The following SH2D4A variants were observed in gnomAD, a reference collection of about 807,000 sequenced individuals.
SH2D4A encodes SH2 domain containing 4A.
A neutral mutation model predicts 64.7 loss-of-function variants in SH2D4A; 70 were observed. That is an observed-to-expected ratio of 1.08 (90% CI 0.89 to 1.32). The LOEUF is 1.32. Ranked by LOEUF, SH2D4A falls within the 40% of genes most tolerant of loss-of-function variation. The pLI, the probability that SH2D4A is intolerant of heterozygous loss-of-function variation, is 0.00. For missense variants in SH2D4A, 706 were observed against 540.1 expected, an observed-to-expected ratio of 1.31 and a Z score of -3.04; for synonymous variants, 268 against 200.7, an observed-to-expected ratio of 1.34 and a Z score of -2.83.
chr8:19,381,017 T>C (rs75922695), intron 8 of SH2D4A, among the ~76,000 whole-genome samples: 1 of 152,022 alleles, frequency 6.6e-6, no homozygotes, highest in African/African-American at 2.4e-5. Context: ...TATTTACTTA[T>C]GTCTTCTTTA....
intron 8 of SH2D4A, among the ~76,000 whole-genome samples, chr8:19,384,618 C>T (rs1399452661): frequency 6.6e-6 from 1 of 152,116 alleles, no homozygotes; most frequent in Non-Finnish European, 1.5e-5. Flanking sequence ...TCCTTCTGGC[C>T]AAATTTAACA....
Position 19,333,431 on chromosome 8 carries a change from A to G in SH2D4A, c.341+317A>G, listed in dbSNP as rs113301420. ...TTCCAGTTTTGATCTGTATGAGTGT[A>G]TGAGTTCCCCAGTGATCACCCGTGG... On this transcript the variant is annotated intron_variant, in intron 3 of 9. Coordinates refer to ENST00000265807, the MANE Select transcript of SH2D4A (RefSeq NM_022071.4). Among the ~76,000 whole-genome samples the G allele has an allele frequency of 2.8e-3, 432 of 152,258 alleles. 8 individuals carry two copies. Among genetic ancestry groups the G allele is most frequent in the African/African-American group, 0.01 (416 of 41,558 alleles).
chr8:19,392,034 C>CGTTTCTACTCT (rs2053501629), intron 8 of SH2D4A, among the ~76,000 whole-genome samples: 1 of 152,152 alleles, frequency 6.6e-6, no homozygotes, highest in South Asian at 2.1e-4. Context: ...TTCCAAGATG[C>CGTTTCTACTCT]GTTTCTACTC....
chr8:19,333,867 C>T (rs2052400790), intron 3 of SH2D4A, among the ~76,000 whole-genome samples: 1 of 152,156 alleles, frequency 6.6e-6, no homozygotes, highest in Non-Finnish European at 1.5e-5. Flanking sequence ...GAGGGCTTAA[C>T]CAAGATCCCT....
chr8:19,321,146 T>TA (rs2052183688), intron 2 of SH2D4A, among the ~76,000 whole-genome samples: 1 of 152,204 alleles, frequency 6.6e-6, no homozygotes, highest in African/African-American at 2.4e-5. Context: ...TTCACAAAAC[T>TA]TCTGCAAAGT....
At chr8:19,377,738 A>G (rs575167546) in intron 8 of SH2D4A, among the ~76,000 whole-genome samples, 2 of 152,118 alleles carry the variant, frequency 1.3e-5, no homozygotes, top group African/African-American at 4.8e-5. Context: ...TACATTTGCT[A>G]TAACTTTTTT....
chr8:19,378,014 C>G (rs10095504), intron 8 of SH2D4A, among the ~76,000 whole-genome samples: 24,573 of 152,096 alleles, frequency 0.16, 2,088 homozygotes, highest in Middle Eastern at 0.2. Flanking sequence ...ACAATGGAAT[C>G]TTCTTATTTT....
At chr8:19,326,050 C>T (rs1034608713) in intron 2 of SH2D4A, among the ~76,000 whole-genome samples, 1 of 152,214 alleles carries the variant, frequency 6.6e-6, no homozygotes, top group African/African-American at 2.4e-5. Context: ...GCTCCATTTT[C>T]ACCCTCCAAA....
chr8:19,361,498 A>G (rs562035157), intron 6 of SH2D4A, among the ~76,000 whole-genome samples, 184 bp downstream of exon 6: 6 of 152,238 alleles, frequency 3.9e-5, no homozygotes, highest in East Asian at 1.9e-4. Flanking sequence ...TGAACAGCAG[A>G]CTCGTTCTCC....
chr8:19,324,792 A>T (rs989847756), intron 2 of SH2D4A, among the ~76,000 whole-genome samples: 2 of 152,106 alleles, frequency 1.3e-5, no homozygotes, highest in East Asian at 1.9e-4. Flanking sequence ...GCACAGAGAC[A>T]CCATTCTGTG....
intron 4 of SH2D4A, 105 bp downstream of exon 4, chr8:19,334,962 C>A: frequency 7.5e-7 from 1 of 1,325,970 alleles, no homozygotes; most frequent in Non-Finnish European, 1.0e-6. Flanking sequence ...CCTCCAGTGG[C>A]TTTCTTGGGA....
intron 7 of SH2D4A, among the ~76,000 whole-genome samples, chr8:19,372,049 C>G (rs1252177725): frequency 2.6e-5 from 4 of 152,158 alleles, no homozygotes; most frequent in African/African-American, 9.7e-5. Flanking sequence ...ATTTTGTACA[C>G]TTGGTGAGGT....
intron 8 of SH2D4A, among the ~76,000 whole-genome samples, chr8:19,375,855 A>C (rs2053186624): frequency 6.6e-6 from 1 of 152,134 alleles, no homozygotes; most frequent in Non-Finnish European, 1.5e-5. Flanking sequence ...GTATCCCATA[A>C]ATTTATACAA....
At chr8:19,358,360 A>G (rs10101035) in intron 5 of SH2D4A, among the ~76,000 whole-genome samples, 3,322 of 152,278 alleles carry the variant, frequency 0.022, 124 homozygotes, top group African/African-American at 0.076. Context: ...GATGATAAAC[A>G]TATCTATGAG....
intron 6 of SH2D4A, among the ~76,000 whole-genome samples, chr8:19,361,541 A>G (rs2052888449): frequency 6.6e-6 from 1 of 152,114 alleles, no homozygotes; most frequent in Admixed American, 6.5e-5. Context: ...TTATGATGTA[A>G]TTTATCAAAT....
At chr8:19,361,462 T>C (rs1188065508) in intron 6 of SH2D4A, 148 bp downstream of exon 6, 1 of 769,370 alleles carries the variant, frequency 1.3e-6, no homozygotes, top group African/African-American at 1.8e-5. Flanking sequence ...TACTAACTTA[T>C]TACTCAAATG....
chr8:19,370,660 A>G lies in SH2D4A; in HGVS notation c.918-2870A>G, dbSNP rs559539179. Among the ~76,000 whole-genome samples, 6 of 152,188 alleles carry G rather than the reference A, an allele frequency of 3.9e-5. No homozygotes were observed. The East Asian group carries it at 7.7e-4, about 20-fold the overall frequency. ...GAAGTTAGCCCCTTGCAGGCAATGT[A>G]TAATTTGGTATTGTTTCATTTTTAT... On this transcript the variant is annotated intron_variant, in intron 7 of 9. Coordinates refer to ENST00000265807, the MANE Select transcript of SH2D4A (RefSeq NM_022071.4).
intron 8 of SH2D4A, among the ~76,000 whole-genome samples, chr8:19,373,938 G>C (rs78883093): frequency 0.011 from 1,638 of 152,270 alleles, 34 homozygotes; most frequent in African/African-American, 0.038. Flanking sequence ...AGGCATTCCT[G>C]GTGACTTACC....
At position 19,389,277 on chromosome 8, in the gene SH2D4A, A is replaced by G. The variant is rs1267462836; in HGVS notation, c.1049-4041A>G. Among the ~76,000 whole-genome samples, 8 of 152,290 alleles carry G rather than the reference A, an allele frequency of 5.3e-5. No homozygotes were observed. In the Middle Eastern group the frequency reaches 0.014, roughly 261 times the overall value. On this transcript the variant is annotated intron_variant, in intron 8 of 9. Transcript: ENST00000265807. ...CTCTTGGGTCTGTTTACCATCTCCT[A>G]TGCAAAAAATGTTTCCCCGGGGCCT...
Sources: allele counts gnomAD v4.1 joint callset (sites outside exome capture counted in the v4.1 genomes callset), GRCh38; gene constraint gnomAD v4.1.1; transcripts MANE v1.5; gene names NCBI Gene and HGNC (gene_info 2026-07-23, HGNC 2026-07-21).